Variants in CADM1 observed in about 807,000 individuals in gnomAD.
CADM1 encodes the protein TSLC-1.
Under a neutral mutation model 53.1 loss-of-function variants are expected in CADM1, and 15 were observed. The observed-to-expected ratio is 0.28, with a 90% CI of 0.19 to 0.44. The LOEUF (loss-of-function observed/expected upper bound fraction) is 0.44, where lower values mean the gene tolerates loss of function less well. CADM1 is among the 20% of genes least tolerant of loss of function. The probability of loss-of-function intolerance (pLI) is 1.00; values close to 1 mark genes in which losing one functional copy is unlikely to be tolerated. For synonymous variants in CADM1, 281 were observed against 243.0 expected, an observed-to-expected ratio of 1.16 and a Z score of -1.45; for missense variants, 434 against 611.3, an observed-to-expected ratio of 0.71 and a Z score of 3.06.
At chr11:115,325,556 A>G (rs778399002) in intron 1 of CADM1, among the ~76,000 whole-genome samples, 5 of 152,232 alleles carry the variant, frequency 3.3e-5, no homozygotes, top group African/African-American at 4.8e-5. Context: ...TTTTTAAACA[A>G]CAGCAGCCAA....
chr11:115,193,209 T>G (rs1939975748), intron 9 of CADM1, among the ~76,000 whole-genome samples: 1 of 152,230 alleles, frequency 6.6e-6, no homozygotes, highest in Non-Finnish European at 1.5e-5. Context: ...AAAAGGAGAC[T>G]TCACTCTAAC....
chr11:115,229,131 G>T lies in CADM1; in HGVS notation c.703C>A (p.Arg235=). 1 of 1,613,926 alleles carries T rather than the reference G, an allele frequency of 6.2e-7. No individual in the cohort carries two copies. Among genetic ancestry groups the T allele is most frequent in the Non-Finnish European group, 8.5e-7 (1 of 1,179,990 alleles). ...PAVTGNLQTQ[R]YLEVQYKPQV... is the part of the protein sequence containing the mutation. ...TACTCACACTGTACTTCTAGATACC[G>T]CTGGGTCTGCAGGTTTCCAGTGACC... is the stretch of plus-strand genomic sequence containing the variant. Residue 235 remains arginine, a synonymous_variant, in exon 5 of 12, where the codon CGG becomes AGG. Transcript: ENST00000331581.
At chr11:115,405,036 G>A (rs1323523094) in intron 1 of CADM1, among the ~76,000 whole-genome samples, 2 of 152,198 alleles carry the variant, frequency 1.3e-5, no homozygotes, top group East Asian at 3.9e-4. Flanking sequence ...TGTTGCCCAG[G>A]TTGGTCTCAA....
At chr11:115,452,666 T>G (rs1269880675) in intron 1 of CADM1, among the ~76,000 whole-genome samples, 1 of 152,076 alleles carries the variant, frequency 6.6e-6, no homozygotes, top group African/African-American at 2.4e-5. Context: ...CCTGCAAACA[T>G]AGATGGAGAG....
intron 3 of CADM1, among the ~76,000 whole-genome samples, chr11:115,234,910 A>AG (rs1941958435): frequency 6.6e-6 from 1 of 151,504 alleles, no homozygotes; most frequent in South Asian, 2.1e-4. Context: ...AAAAAAAAAA[A>AG]AAAAAAAAAA....
intron 1 of CADM1, among the ~76,000 whole-genome samples, chr11:115,359,611 G>A (rs1945975180): frequency 6.6e-6 from 1 of 152,050 alleles, no homozygotes. Context: ...CTTATATTCA[G>A]CACCAAGCTA....
At chr11:115,333,949 C>A (rs566577664) in intron 1 of CADM1, among the ~76,000 whole-genome samples, 2 of 152,086 alleles carry the variant, frequency 1.3e-5, no homozygotes, top group Non-Finnish European at 2.9e-5. Context: ...TGAATGAAAA[C>A]GAAGTGAGGT....
intron 8 of CADM1, among the ~76,000 whole-genome samples, chr11:115,202,188 A>AG: frequency 0.014 from 1 of 72 alleles, no homozygotes; most frequent in Non-Finnish European, 0.083. Context: ...ACTAAGTAGC[A>AG]AAAAAAAAAA....
intron 1 of CADM1, among the ~76,000 whole-genome samples, chr11:115,501,695 T>A (rs1215342173): frequency 1.3e-5 from 2 of 152,200 alleles, no homozygotes; most frequent in Non-Finnish European, 2.9e-5. Flanking sequence ...TGGTCCTAAT[T>A]CGCTTTCCCA....
chr11:115,184,203 A>G (rs1939439017), intron 10 of CADM1, among the ~76,000 whole-genome samples: 1 of 152,176 alleles, frequency 6.6e-6, no homozygotes, highest in Non-Finnish European at 1.5e-5. Context: ...TCTGACCTAA[A>G]AAAAAAATGA....
At chr11:115,501,159 CAA>C (rs1284256336) in intron 1 of CADM1, among the ~76,000 whole-genome samples, 1 of 152,174 alleles carries the variant, frequency 6.6e-6, no homozygotes, top group African/African-American at 2.4e-5. Context: ...TCTCGTCACA[CAA>C]GTCACTAAAT....
chr11:115,503,231 CTCT>C (rs1949770692), intron 1 of CADM1, among the ~76,000 whole-genome samples: 1 of 152,340 alleles, frequency 6.6e-6, no homozygotes, highest in Non-Finnish European at 1.5e-5. Flanking sequence ...AAACACTGCC[CTCT>C]TCTTTCCCGA....
At chr11:115,446,530 A>T (rs1314129584) in intron 1 of CADM1, among the ~76,000 whole-genome samples, 2 of 152,224 alleles carry the variant, frequency 1.3e-5, no homozygotes, top group Non-Finnish European at 2.9e-5. Context: ...TATAAAGGCC[A>T]TTCCCCTTTA....
At chr11:115,276,993 C>A (rs894683740) in intron 1 of CADM1, among the ~76,000 whole-genome samples, 1 of 152,180 alleles carries the variant, frequency 6.6e-6, no homozygotes, top group Non-Finnish European at 1.5e-5. Flanking sequence ...ATTTTCTCAA[C>A]AAGATTGCAT....
intron 1 of CADM1, among the ~76,000 whole-genome samples, chr11:115,423,321 T>G (rs969281655): frequency 6.6e-6 from 1 of 152,170 alleles, no homozygotes; most frequent in African/African-American, 2.4e-5. Context: ...CTCAACTAAG[T>G]GCTTTTAACA....
At chr11:115,467,847 A>C (rs1948928094) in intron 1 of CADM1, among the ~76,000 whole-genome samples, 2 of 152,312 alleles carry the variant, frequency 1.3e-5, no homozygotes, top group South Asian at 4.1e-4. Flanking sequence ...GAACTTTAAA[A>C]ATTTTTTAAA....
intron 1 of CADM1, among the ~76,000 whole-genome samples, chr11:115,288,330 T>C (rs1032452650): frequency 1.3e-5 from 2 of 152,116 alleles, no homozygotes; most frequent in African/African-American, 4.8e-5. Context: ...GAGAAAAAAT[T>C]ACATTTTACA....
chr11:115,219,445 T>G (rs1398832384), intron 5 of CADM1, among the ~76,000 whole-genome samples: 1 of 152,204 alleles, frequency 6.6e-6, no homozygotes, highest in African/African-American at 2.4e-5. Flanking sequence ...CAGTGTGCAC[T>G]GCATACTGAG....
chr11:115,338,562 A>G (rs1392195017), intron 1 of CADM1, among the ~76,000 whole-genome samples: 1 of 152,150 alleles, frequency 6.6e-6, no homozygotes, highest in Non-Finnish European at 1.5e-5. Context: ...CATGTTTTCA[A>G]GTATCATAAT....
Sources: allele counts gnomAD v4.1 joint callset (sites outside exome capture counted in the v4.1 genomes callset), GRCh38; gene constraint gnomAD v4.1.1; transcripts MANE v1.5; gene names NCBI Gene and HGNC (gene_info 2026-07-23, HGNC 2026-07-21).